The following ADAM20 variants were observed in gnomAD, a reference collection of about 807,000 sequenced individuals.
ADAM20 encodes disintegrin and metalloproteinase domain-containing protein 20.
For missense variants in ADAM20, 871 were observed against 883.2 expected (o/e 0.99, Z 0.18); for synonymous variants, 305 against 310.2 (o/e 0.98, Z 0.18).
At chr14:70,559,891 A>G in the ADAM20 span, among the ~76,000 whole-genome samples, 2 of 152,200 alleles carry the variant, frequency 1.3e-5, no homozygotes, top group African/African-American at 2.4e-5. Flanking sequence ...ATTTGAATAA[A>G]GGAATGTATT....
At chr14:70,572,695 A>G in the ADAM20 span, among the ~76,000 whole-genome samples, 2 of 152,180 alleles carry the variant, frequency 1.3e-5, no homozygotes, top group Admixed American at 1.3e-4. Flanking sequence ...TTTGCAAACT[A>G]CACATCTAAC....
At chr14:70,529,267 T>C (rs571971472) in intron 1 of ADAM20, among the ~76,000 whole-genome samples, 4 of 152,160 alleles carry the variant, frequency 2.6e-5, no homozygotes, top group African/African-American at 4.8e-5. Flanking sequence ...TTCTCCAGGA[T>C]AGTTCACATA....
chr14:70,570,400 G>A, the ADAM20 span, among the ~76,000 whole-genome samples: 2 of 151,936 alleles, frequency 1.3e-5, no homozygotes, highest in Admixed American at 6.5e-5. Context: ...AGAAAAAAAC[G>A]AACATTCAAA....
intron 1 of ADAM20, among the ~76,000 whole-genome samples, chr14:70,532,712 C>G (rs1385763241): frequency 1.3e-5 from 2 of 152,142 alleles, no homozygotes; most frequent in African/African-American, 4.8e-5. Flanking sequence ...GCCCAAGGCC[C>G]TAAATTCACA....
chr14:70,570,309 A>AAAC, the ADAM20 span, among the ~76,000 whole-genome samples: 1 of 152,150 alleles, frequency 6.6e-6, no homozygotes, highest in Non-Finnish European at 1.5e-5. Context: ...ACTGAGACCA[A>AAAC]AACAACAACA....
At chr14:70,575,412 G>A in the ADAM20 span, among the ~76,000 whole-genome samples, 1 of 151,866 alleles carries the variant, frequency 6.6e-6, no homozygotes, top group Non-Finnish European at 1.5e-5. Context: ...GACCAGCCTG[G>A]CCAATATGGT....
At chr14:70,526,420 T>A (rs926429321) in intron 1 of ADAM20, among the ~76,000 whole-genome samples, 1 of 152,136 alleles carries the variant, frequency 6.6e-6, no homozygotes, top group African/African-American at 2.4e-5. Flanking sequence ...TTAGGTAAAG[T>A]ATATCTGATA....
the ADAM20 span, among the ~76,000 whole-genome samples, chr14:70,558,229 G>A: frequency 6.6e-6 from 1 of 152,138 alleles, no homozygotes; most frequent in African/African-American, 2.4e-5. Context: ...AAATTATAAA[G>A]AGATATAAAA....
chr14:70,561,865 G>T, the ADAM20 span, among the ~76,000 whole-genome samples: 1 of 152,262 alleles, frequency 6.6e-6, no homozygotes, highest in African/African-American at 2.4e-5. Context: ...GAAATGCCTG[G>T]ATGTCCAGGC....
intron 1 of ADAM20, among the ~76,000 whole-genome samples, chr14:70,531,375 C>G (rs1332957117): frequency 6.6e-6 from 1 of 152,002 alleles, no homozygotes; most frequent in Non-Finnish European, 1.5e-5. Context: ...ATTATACAGG[C>G]ATGTATGGAA....
At chr14:70,554,520 T>C in the ADAM20 span, among the ~76,000 whole-genome samples, 2 of 152,082 alleles carry the variant, frequency 1.3e-5, no homozygotes, top group African/African-American at 4.8e-5. Context: ...AAAGAAATTG[T>C]GATAGACACA....
chr14:70,529,478 G>A (rs1482141798), intron 1 of ADAM20, among the ~76,000 whole-genome samples: 1 of 152,164 alleles, frequency 6.6e-6, no homozygotes, highest in Non-Finnish European at 1.5e-5. Context: ...AAACATCATA[G>A]AGTGTACTTC....
the ADAM20 span, among the ~76,000 whole-genome samples, chr14:70,578,963 A>G: frequency 1.3e-5 from 2 of 152,038 alleles, no homozygotes; most frequent in Non-Finnish European, 2.9e-5. Context: ...TTCTGTGTTA[A>G]TTTGCTTAGG....
chr14:70,563,369 G>A, the ADAM20 span, among the ~76,000 whole-genome samples: 1 of 152,178 alleles, frequency 6.6e-6, no homozygotes, highest in Non-Finnish European at 1.5e-5. Flanking sequence ...CATCAAGATG[G>A]CAGAGCAGGA....
chr14:70,553,330 AAAC>A, the ADAM20 span, among the ~76,000 whole-genome samples: 11 of 124,464 alleles, frequency 8.8e-5, no homozygotes, highest in Non-Finnish European at 1.3e-4. Context: ...AAAAAAAAAA[AAAC>A]TAGTAGCAGA....
At chr14:70,556,000 C>A in the ADAM20 span, among the ~76,000 whole-genome samples, 1 of 152,210 alleles carries the variant, frequency 6.6e-6, no homozygotes. Context: ...CGAGGCAGGG[C>A]TCCCTCCTCC....
chr14:70,564,365 G>C, the ADAM20 span, among the ~76,000 whole-genome samples: 7 of 152,242 alleles, frequency 4.6e-5, no homozygotes, highest in African/African-American at 1.7e-4. Context: ...TAGATGCCTG[G>C]GACAGTTAAA....
At chr14:70,564,106 A>G in the ADAM20 span, among the ~76,000 whole-genome samples, 1 of 152,214 alleles carries the variant, frequency 6.6e-6, no homozygotes, top group Admixed American at 6.5e-5. Flanking sequence ...AATTTCTGTC[A>G]TCTCACATTT....
chr14:70,524,344 T>C lies in ADAM20; in HGVS notation c.414A>G (p.Ile138Met). The C allele has an allele frequency of 6.2e-7, 1 of 1,614,010 alleles. No homozygotes were observed. Among genetic ancestry groups the C allele is most frequent in the Non-Finnish European group, 8.5e-7 (1 of 1,179,944 alleles). Residue 138 changes from isoleucine (I) to methionine (M), a missense_variant, in exon 2 of 2, where the codon ATA becomes ATG. By Grantham distance (10) the Ile-to-Met change is conservative (BLOSUM62 1). Coordinates refer to ENST00000256389, the MANE Select transcript of ADAM20 (RefSeq NM_003814.5). ...GCTTGATTTCATAAACAAGGTCATT[T>C]ATCTGTAGCATTCCAAGAAAGCCCC... ...CSGGFLGMLQ[I>M]NDLVYEIKPI...
Sources: allele counts gnomAD v4.1 joint callset (sites outside exome capture counted in the v4.1 genomes callset), GRCh38; gene constraint gnomAD v4.1.1; transcripts MANE v1.5; gene names NCBI Gene and HGNC (gene_info 2026-07-23, HGNC 2026-07-21).